LRIG3: variants seen among roughly 807,000 people sequenced by gnomAD.
The protein encoded by LRIG3 is leucine-rich repeats and immunoglobulin-like domains protein 3.
In LRIG3, 76 loss-of-function variants were observed where a neutral mutation model predicts 114.5. The ratio of observed to expected loss-of-function variants is 0.66; its 90% CI spans 0.55 to 0.80. The LOEUF (loss-of-function observed/expected upper bound fraction) is 0.80. LRIG3 is among the 30% of genes least tolerant of loss of function. The probability of loss-of-function intolerance (pLI) is 0.00; values close to 1 mark genes in which losing one functional copy is unlikely to be tolerated. For missense variants in LRIG3, 1,239 were observed against 1,382.8 expected, an observed-to-expected ratio of 0.90 and a Z score of 1.65; for synonymous variants, 512 against 519.8, an observed-to-expected ratio of 0.98 and a Z score of 0.20.
chr12:58,907,735 G>C (rs1490346695), intron 3 of LRIG3, among the ~76,000 whole-genome samples: 4 of 152,196 alleles, frequency 2.6e-5, no homozygotes, highest in African/African-American at 4.8e-5. Context: ...TGTGAGACGA[G>C]ACGAAAACCT....
intron 1 of LRIG3, among the ~76,000 whole-genome samples, chr12:58,919,244 GT>G (rs1872583449): frequency 6.6e-6 from 1 of 152,264 alleles, no homozygotes; most frequent in South Asian, 2.1e-4. Context: ...GTGATTTCAG[GT>G]TTTCAGACTT....
intron 7 of LRIG3, 127 bp downstream of exon 7, chr12:58,888,202 G>T: frequency 8.8e-7 from 1 of 1,133,408 alleles, no homozygotes; most frequent in Non-Finnish European, 1.2e-6. Context: ...AGACTAGGTT[G>T]CATGTGAAAA....
Position 58,874,089 on chromosome 12 carries a change from C to A in LRIG3, c.3081G>T (p.Glu1027Asp). 1 of 1,614,222 alleles carries A rather than the reference C, an allele frequency of 6.2e-7. No individual in the cohort carries two copies. Among genetic ancestry groups the A allele is most frequent in the South Asian group, 1.1e-5 (1 of 91,084 alleles). Residue 1027 changes from glutamate (E) to aspartate (D), a missense_variant, in exon 18 of 19, where the codon GAG becomes GAT. Coordinates refer to ENST00000320743, the MANE Select transcript of LRIG3 (RefSeq NM_153377.5). The part of the protein sequence containing the change: ...KSSLDFSANP[E>D]PASVASSNSF... ...AATTACTCGAGGCAACCGACGCTGG[C>A]TCTGGATTTGCACTAAAATCTAAAG...
rs1870762184 is a variant in LRIG3, at chr12:58,872,268, T to A, written c.*304A>T. 1 of 176,406 alleles carries A rather than the reference T, an allele frequency of 5.7e-6. No homozygotes were observed. Among genetic ancestry groups the A allele is most frequent in the African/African-American group, 2.4e-5 (1 of 42,356 alleles). 10.9% of individuals were successfully genotyped at this position (176,406 alleles called of 1,614,324 possible). A position where few individuals can be genotyped will look rare whatever the true frequency, so the allele number is the denominator to read the frequency against. ...AAATGCTTTAGTAACTCATTTTCCA[T>A]AAAAAGAAATCTGGCATTATAAAAA... is the stretch of plus-strand genomic sequence containing the variant. On this transcript the variant is annotated 3_prime_UTR_variant, in exon 19 of 19. Transcript: ENST00000320743.
intron 15 of LRIG3, 57 bp downstream of exon 15, chr12:58,877,343 G>T: frequency 1.3e-6 from 2 of 1,541,126 alleles, no homozygotes; most frequent in Non-Finnish European, 1.8e-6. Flanking sequence ...AGAAGTATTT[G>T]CAGAACCACA....
At chr12:58,892,847 A>G (rs1005959111) in intron 3 of LRIG3, among the ~76,000 whole-genome samples, 2 of 152,258 alleles carry the variant, frequency 1.3e-5, no homozygotes, top group African/African-American at 4.8e-5. Flanking sequence ...TTGTTCCTAA[A>G]GCAATCCCTT....
At chr12:58,880,167 A>G (rs868217342) in intron 13 of LRIG3, among the ~76,000 whole-genome samples, 5 of 152,004 alleles carry the variant, frequency 3.3e-5, no homozygotes, top group African/African-American at 9.7e-5. Flanking sequence ...ATGGTGGCGC[A>G]CGCCTGTAAT....
chr12:58,872,967 TGTCTTACAGCCA>T, intron 18 of LRIG3, 151 bp from the exon 19 acceptor site: 1 of 1,069,470 alleles, frequency 9.4e-7, no homozygotes, highest in South Asian at 1.7e-5. Flanking sequence ...CATGTACATC[TGTCTTACAGCCA>T]GATCACTTCT....
chr12:58,882,045 T>C (rs1445024447), intron 12 of LRIG3, among the ~76,000 whole-genome samples: 1 of 152,240 alleles, frequency 6.6e-6, no homozygotes, highest in Non-Finnish European at 1.5e-5. Context: ...TTCCAGAAAC[T>C]ACTGGCACTG....
rs145755370 is a variant in LRIG3, at chr12:58,914,892, C to T, written c.237-556G>A. 9.9e-3 allele frequency among the ~76,000 whole-genome samples: 1,510 copies of T among 152,274 alleles called. 100 individuals are homozygous for T. Among genetic ancestry groups the T allele is most frequent in the Admixed American group, 0.094 (1,437 of 15,288 alleles). On this transcript the variant is annotated intron_variant, in intron 1 of 18. Transcript: ENST00000320743. ...GGTAGAAAACAATCTGAACCCTCTG[C>T]TTTCTTAAATTCCCCAAATATCAAT...
Position 58,874,510 on chromosome 12 carries a change from C to T in LRIG3, c.2759G>A (p.Cys920Tyr), listed in dbSNP as rs370313349. ...AGGGCCTGTGGATCCCAAAAACGGA[C>T]AAAGGAACAGATCTGTGGCAGCTTC... is the stretch of plus-strand genomic sequence containing the variant. ...DVEAATDLFL[C>Y]PFLGSTGPMY... Residue 920 changes from cysteine to tyrosine, a missense_variant, in exon 17 of 19, where the codon TGT (cysteine) becomes TAT (tyrosine). Cys to Tyr is a radical substitution (Grantham distance 194, BLOSUM62 -2). Transcript: ENST00000320743. 57 of 1,614,030 alleles carry T rather than the reference C, an allele frequency of 3.5e-5. No individual in the cohort carries two copies. Among genetic ancestry groups the T allele is most frequent in the Non-Finnish European group, 4.6e-5 (54 of 1,180,034 alleles).
intron 2 of LRIG3, 28 bp downstream of exon 2, chr12:58,914,237 C>A (rs200294981): frequency 2.7e-4 from 439 of 1,608,682 alleles, no homozygotes; most frequent in Non-Finnish European, 3.6e-4. Context: ...TTTACTCAAA[C>A]CTTAAAAACA....
chr12:58,918,114 A>C (rs1294166924), intron 1 of LRIG3, among the ~76,000 whole-genome samples: 1 of 152,230 alleles, frequency 6.6e-6, no homozygotes, highest in East Asian at 1.9e-4. Context: ...GCTGTCCAAT[A>C]AGTGATCACA....
intron 14 of LRIG3, 41 bp downstream of exon 14, chr12:58,878,783 A>G: frequency 1.3e-6 from 2 of 1,580,922 alleles, no homozygotes; most frequent in East Asian, 2.2e-5. Flanking sequence ...TAGTATCTTC[A>G]AGACTGATTT....
chr12:58,882,204 A>C (rs961794007), intron 12 of LRIG3, among the ~76,000 whole-genome samples: 1 of 152,328 alleles, frequency 6.6e-6, no homozygotes, highest in South Asian at 2.1e-4. Flanking sequence ...AAACATATTT[A>C]TTTTTACAGA....
chr12:58,876,804 T>C (rs1870935228), intron 15 of LRIG3, among the ~76,000 whole-genome samples: 3 of 152,226 alleles, frequency 2.0e-5, no homozygotes, highest in East Asian at 3.8e-4. Context: ...TAAGCTGACT[T>C]TCTGTTTTAT....
intron 3 of LRIG3, among the ~76,000 whole-genome samples, chr12:58,901,155 T>G (rs1370169893): frequency 6.6e-6 from 1 of 152,192 alleles, no homozygotes. Context: ...TAATCAAGCA[T>G]TTTTACAAGG....
At chr12:58,913,111 C>G (rs1872346715) in intron 3 of LRIG3, among the ~76,000 whole-genome samples, 1 of 152,182 alleles carries the variant, frequency 6.6e-6, no homozygotes, top group South Asian at 2.1e-4. Flanking sequence ...ATTAATTGAA[C>G]AGCTTTCCTG....
chr12:58,911,164 G>A (rs1050964518), intron 3 of LRIG3, among the ~76,000 whole-genome samples: 13 of 126,252 alleles, frequency 1.0e-4, no homozygotes, highest in African/African-American at 2.9e-4. Flanking sequence ...AAAAAGGTTA[G>A]AGATGAGCTT....
Sources: allele counts gnomAD v4.1 joint callset (sites outside exome capture counted in the v4.1 genomes callset), GRCh38; gene constraint gnomAD v4.1.1; transcripts MANE v1.5; gene names NCBI Gene and HGNC (gene_info 2026-07-23, HGNC 2026-07-21).